The following OR3A2 variants were observed in gnomAD, a reference collection of about 807,000 sequenced individuals.
OR3A2 encodes the protein olfactory receptor family 3 subfamily A member 2.
For synonymous variants in OR3A2, 126 were observed against 159.3 expected, an observed-to-expected ratio of 0.79 and a Z score of 1.57; for missense variants, 318 against 392.8, an observed-to-expected ratio of 0.81 and a Z score of 1.61.
intron 2 of OR3A2, among the ~76,000 whole-genome samples, chr17:3,364,828 T>C (rs1567568970): frequency 6.6e-6 from 1 of 152,044 alleles, no homozygotes; most frequent in Non-Finnish European, 1.5e-5. Flanking sequence ...GTAGCCAAGA[T>C]ATGGAATCAA....
intron 3 of OR3A2, among the ~76,000 whole-genome samples, chr17:3,307,168 C>A (rs187917378): frequency 2.6e-5 from 4 of 152,316 alleles, no homozygotes. Context: ...GGCCTCCTAG[C>A]CTGGCCCCAG....
chr17:3,338,513 A>G (rs1205560803), intron 2 of OR3A2, among the ~76,000 whole-genome samples: 1 of 152,158 alleles, frequency 6.6e-6, no homozygotes, highest in East Asian at 1.9e-4. Context: ...TCTCAGCACC[A>G]TTTATTAAAT....
At chr17:3,378,750 T>C (rs1474399530) in intron 2 of OR3A2, among the ~76,000 whole-genome samples, 1 of 152,110 alleles carries the variant, frequency 6.6e-6, no homozygotes, top group Non-Finnish European at 1.5e-5. Context: ...CCTTCCACTT[T>C]TCTTCTTGTT....
At chr17:3,334,049 A>T (rs938699682) in intron 3 of OR3A2, among the ~76,000 whole-genome samples, 3 of 152,182 alleles carry the variant, frequency 2.0e-5, no homozygotes, top group Non-Finnish European at 1.5e-5. Context: ...CAAAACCACA[A>T]TTAAGATATC....
At chr17:3,324,554 T>G (rs1288247895) in intron 3 of OR3A2, among the ~76,000 whole-genome samples, 2 of 152,140 alleles carry the variant, frequency 1.3e-5, no homozygotes, top group Non-Finnish European at 2.9e-5. Context: ...ATGTCCTTCC[T>G]GTTTGTTAGT....
At chr17:3,345,749 TTC>T (rs2049359023) in intron 2 of OR3A2, among the ~76,000 whole-genome samples, 1 of 152,096 alleles carries the variant, frequency 6.6e-6, no homozygotes, top group African/African-American at 2.4e-5. Flanking sequence ...AGAATAAAAA[TTC>T]TCTAGAAAAA....
chr17:3,352,513 C>G (rs1037133800), intron 2 of OR3A2, among the ~76,000 whole-genome samples: 4 of 151,912 alleles, frequency 2.6e-5, no homozygotes, highest in East Asian at 1.9e-4. Flanking sequence ...AAGAGACTGT[C>G]TTTTCCCCAG....
At chr17:3,380,898 G>A (rs1001645538) in intron 2 of OR3A2, among the ~76,000 whole-genome samples, 4 of 152,184 alleles carry the variant, frequency 2.6e-5, no homozygotes, top group African/African-American at 2.4e-5. Context: ...GGAGGGAACC[G>A]GTATGTGGAT....
chr17:3,371,700 A>ACCT (rs2049624526), intron 2 of OR3A2, among the ~76,000 whole-genome samples: 1 of 112,870 alleles, frequency 8.9e-6, no homozygotes, highest in African/African-American at 3.4e-5. Context: ...GGGGGTGCTG[A>ACCT]CCCCCCCACC....
Position 3,324,632 on chromosome 17 carries a change from C to A in OR3A2, c.-85+11401G>T, listed in dbSNP as rs140406613. 2.3e-3 allele frequency among the ~76,000 whole-genome samples: 344 copies of A among 152,106 alleles called. 3 individuals are homozygous for A. The highest frequency in any genetic ancestry group is 6.8e-3 in the Middle Eastern group (2 of 294). ...AGTTTGCTAGAGGTCCACTCCAGAC[C>A]CTGTTTGCCTGGGTATCAGCAGTGG... is the stretch of plus-strand genomic sequence containing the variant. On this transcript the variant is annotated intron_variant, in intron 3 of 4. Coordinates refer to the OR3A2 transcript ENST00000573491.
rs559768061 is a variant in OR3A2, at chr17:3,314,725, GATGT to G, written c.-85+21304_-85+21307del. 8.0e-4 allele frequency among the ~76,000 whole-genome samples: 122 copies of G among 152,298 alleles called. 1 individual carries two copies. Among genetic ancestry groups the G allele is most frequent in the African/African-American group, 2.9e-3 (119 of 41,566 alleles). ...TTTCCACTTTTACTTTAGATAAGGAGATGTATGTGCAGATTTGTTACTTGGTAAT... is the reference window on the plus strand; with the variant it reads ...TTTCCACTTTTACTTTAGATAAGGAGATGTGCAGATTTGTTACTTGGTAAT... On this transcript the variant is annotated intron_variant, in intron 3 of 4. Coordinates refer to the OR3A2 transcript ENST00000573491.
At chr17:3,343,825 T>C (rs2049340954) in intron 2 of OR3A2, among the ~76,000 whole-genome samples, 1 of 152,154 alleles carries the variant, frequency 6.6e-6, no homozygotes, top group South Asian at 2.1e-4. Context: ...GTAGCCCACA[T>C]GCTTTGGCAG....
At chr17:3,331,400 G>A (rs1024670993) in intron 3 of OR3A2, among the ~76,000 whole-genome samples, 5 of 151,956 alleles carry the variant, frequency 3.3e-5, no homozygotes, top group African/African-American at 9.7e-5. Context: ...ATTTCTTGGA[G>A]GCTTTGCTCA....
chr17:3,293,719 A>G (rs371629705), intron 3 of OR3A2, among the ~76,000 whole-genome samples: 1 of 152,340 alleles, frequency 6.6e-6, no homozygotes, highest in South Asian at 2.1e-4. Context: ...ATGCCCATCA[A>G]TGACAGACTG....
chr17:3,302,149 G>A (rs55693506), intron 3 of OR3A2, among the ~76,000 whole-genome samples: 2,072 of 152,266 alleles, frequency 0.014, 52 homozygotes, highest in African/African-American at 0.046. Context: ...AATCAATAGC[G>A]TGAAAATGGC....
chr17:3,282,300 G>A (rs558458225), intron 1 of OR3A2, among the ~76,000 whole-genome samples: 31 of 152,306 alleles, frequency 2.0e-4, no homozygotes, highest in South Asian at 8.3e-4. Flanking sequence ...CAGCTACTCC[G>A]GAGGCTGAGG....
intron 3 of OR3A2, among the ~76,000 whole-genome samples, chr17:3,313,926 C>T (rs944243503): frequency 3.3e-5 from 5 of 152,150 alleles, no homozygotes; most frequent in African/African-American, 1.2e-4. Context: ...TTGTCTTCCA[C>T]ATAGGAAGTC....
At chr17:3,346,368 T>C (rs1294620843) in intron 2 of OR3A2, among the ~76,000 whole-genome samples, 1 of 152,130 alleles carries the variant, frequency 6.6e-6, no homozygotes, top group Admixed American at 6.6e-5. Context: ...CTGACCCAAG[T>C]TGATCCAACC....
intron 2 of OR3A2, among the ~76,000 whole-genome samples, chr17:3,363,883 G>C (rs2150660736): frequency 6.6e-6 from 1 of 152,298 alleles, no homozygotes; most frequent in South Asian, 2.1e-4. Context: ...GAGAGAAAGA[G>C]TGAAGGAGGA....
Sources: gnomAD v4.1 joint callset for allele counts (sites outside exome capture counted in the v4.1 genomes callset) on GRCh38, gnomAD v4.1.1 for gene constraint, MANE v1.5 for transcripts, NCBI Gene and HGNC (gene_info 2026-07-23, HGNC 2026-07-21) for gene names.